NTNG1: variants seen among roughly 807,000 people sequenced by gnomAD.
NTNG1 encodes the protein netrin G1.
In NTNG1, 16 loss-of-function variants were observed where a neutral mutation model predicts 54.0. That is an observed-to-expected ratio of 0.30 (90% CI 0.20 to 0.45). The LOEUF (loss-of-function observed/expected upper bound fraction) is 0.45, where lower values mean the gene tolerates loss of function less well. NTNG1 is among the 20% of genes least tolerant of loss of function. The pLI, the probability that NTNG1 is intolerant of heterozygous loss-of-function variation, is 1.00. For missense variants in NTNG1, 530 were observed against 678.7 expected (o/e 0.78, Z 2.43); for synonymous variants, 255 against 263.1 (o/e 0.97, Z 0.30).
chr1:107,355,939 T>C (rs1314457824), intron 3 of NTNG1, among the ~76,000 whole-genome samples: 1 of 152,198 alleles, frequency 6.6e-6, no homozygotes, highest in Non-Finnish European at 1.5e-5. Flanking sequence ...AAAGTGTTCA[T>C]AAATTATTGT....
chr1:107,296,268 G>A (rs1665936180), intron 2 of NTNG1, among the ~76,000 whole-genome samples: 2 of 152,064 alleles, frequency 1.3e-5, no homozygotes, highest in Admixed American at 6.6e-5. Context: ...TATTTACACA[G>A]ATACACAAAC....
intron 5 of NTNG1, 126 bp from the exon 6 acceptor site, chr1:107,430,624 T>C (rs1174066692): frequency 4.2e-6 from 4 of 948,914 alleles, no homozygotes; most frequent in South Asian, 1.3e-5. Context: ...ATGTGTTGTG[T>C]TGAATCACAT....
At chr1:107,161,551 C>T (rs1418631425) in intron 2 of NTNG1, among the ~76,000 whole-genome samples, 1 of 151,578 alleles carries the variant, frequency 6.6e-6, no homozygotes, top group Non-Finnish European at 1.5e-5. Flanking sequence ...ATTCCAGCCA[C>T]TTGGGAGGCT....
At chr1:107,390,027 GT>G (rs1300432227) in intron 3 of NTNG1, among the ~76,000 whole-genome samples, 2 of 152,062 alleles carry the variant, frequency 1.3e-5, no homozygotes, top group Admixed American at 6.5e-5. Context: ...AAATGTTTTT[GT>G]TTTTTTGTTT....
At chr1:107,409,013 A>C (rs1374608736) in intron 5 of NTNG1, 3 of 152,156 alleles carry the variant, frequency 2.0e-5, no homozygotes, top group African/African-American at 7.2e-5. Flanking sequence ...TGCCATGAAA[A>C]TTGGCCACTT....
intron 3 of NTNG1, among the ~76,000 whole-genome samples, chr1:107,327,029 G>C (rs910019896): frequency 3.3e-5 from 5 of 152,142 alleles, no homozygotes; most frequent in African/African-American, 4.8e-5. Context: ...GTGGTTCTGA[G>C]GAGTTTGGAG....
At chr1:107,364,702 G>A (rs1670490590) in intron 3 of NTNG1, among the ~76,000 whole-genome samples, 1 of 152,130 alleles carries the variant, frequency 6.6e-6, no homozygotes, top group Non-Finnish European at 1.5e-5. Flanking sequence ...CAATTGTTCT[G>A]TGCCAGGCAA....
intron 7 of NTNG1, among the ~76,000 whole-genome samples, chr1:107,459,128 A>G (rs1387754117): frequency 6.6e-6 from 1 of 152,190 alleles, no homozygotes; most frequent in Non-Finnish European, 1.5e-5. Context: ...TACCTGAAGT[A>G]TATCAAAGAG....
At chr1:107,406,701 G>A (rs1029101475) in intron 4 of NTNG1, among the ~76,000 whole-genome samples, 3 of 151,990 alleles carry the variant, frequency 2.0e-5, no homozygotes, top group Non-Finnish European at 4.4e-5. Flanking sequence ...AGTAATCATC[G>A]CAAAGATGGA....
chr1:107,482,739 A>C lies in NTNG1; in HGVS notation c.*1899A>C, dbSNP rs1678805225. ...CTGCCACTCCTTGCTGAAACAGGGA[A>C]GGGGGGAGGAATGTCTCCTGATAAA... On this transcript the variant is annotated 3_prime_UTR_variant, in exon 8 of 8. Coordinates refer to ENST00000370068, the MANE Select transcript of NTNG1 (RefSeq NM_001113226.3). 1 of 152,226 alleles carries C rather than the reference A, an allele frequency of 6.6e-6. No individual in the cohort carries two copies. The highest frequency in any genetic ancestry group is 1.5e-5 in the Non-Finnish European group (1 of 68,060). 9.4% of individuals were successfully genotyped at this position (152,226 alleles called of 1,614,324 possible).
intron 2 of NTNG1, among the ~76,000 whole-genome samples, chr1:107,229,124 T>A (rs570229884): frequency 8.7e-4 from 133 of 152,020 alleles, no homozygotes; most frequent in Non-Finnish European, 1.8e-3. Flanking sequence ...GAACTGCTCA[T>A]ATTGAGCAAA....
intron 2 of NTNG1, among the ~76,000 whole-genome samples, chr1:107,215,099 T>C (rs1487441094): frequency 6.6e-6 from 1 of 152,170 alleles, no homozygotes; most frequent in African/African-American, 2.4e-5. Flanking sequence ...ACTCTGATGA[T>C]TATTTATTTT....
rs539103195 is a variant in NTNG1 at position 107,374,054 on chromosome 1, G to A, written c.888-21100G>A. Among the ~76,000 whole-genome samples, 155 of 152,124 alleles carry A rather than the reference G, an allele frequency of 1.0e-3. 1 individual carries two copies. The South Asian group carries it at 0.012, about 12-fold the overall frequency. On this transcript the variant is annotated intron_variant, in intron 3 of 7. Transcript: ENST00000370068. ...ACTGGGTAGAGAGTCCTAGATTGAC[G>A]TGTTTTCTGTTTTTCTTTTATTACT...
intron 5 of NTNG1, among the ~76,000 whole-genome samples, chr1:107,423,789 T>G (rs1312253821): frequency 6.6e-6 from 1 of 152,128 alleles, no homozygotes; most frequent in Non-Finnish European, 1.5e-5. Context: ...AGCTGTAGCT[T>G]GTTCTGTGGC....
At chr1:107,220,385 G>A (rs1236740412) in intron 2 of NTNG1, among the ~76,000 whole-genome samples, 1 of 152,244 alleles carries the variant, frequency 6.6e-6, no homozygotes, top group Non-Finnish European at 1.5e-5. Flanking sequence ...TGGAGCACAA[G>A]TTCATGATGT....
chr1:107,477,854 C>T (rs888090120), intron 7 of NTNG1, among the ~76,000 whole-genome samples: 2 of 152,102 alleles, frequency 1.3e-5, no homozygotes, highest in African/African-American at 4.8e-5. Context: ...TGGCATACAA[C>T]AGATATTGGT....
At chr1:107,300,436 C>T (rs965960573) in intron 2 of NTNG1, among the ~76,000 whole-genome samples, 2 of 152,160 alleles carry the variant, frequency 1.3e-5, no homozygotes, top group African/African-American at 4.8e-5. Context: ...TAATCTAGTT[C>T]CCCAGTTCAC....
intron 7 of NTNG1, among the ~76,000 whole-genome samples, chr1:107,441,658 A>G (rs1189280643): frequency 1.3e-5 from 2 of 152,088 alleles, no homozygotes; most frequent in African/African-American, 2.4e-5. Flanking sequence ...AATCACATCT[A>G]TAAAGTCTCT....
intron 3 of NTNG1, among the ~76,000 whole-genome samples, chr1:107,356,851 A>G (rs1669962420): frequency 6.6e-6 from 1 of 151,986 alleles, no homozygotes; most frequent in African/African-American, 2.4e-5. Context: ...AAATATATAA[A>G]AGTTAGCCGG....
Sources: allele counts gnomAD v4.1 joint callset (sites outside exome capture counted in the v4.1 genomes callset), GRCh38; gene constraint gnomAD v4.1.1; transcripts MANE v1.5; gene names NCBI Gene and HGNC (gene_info 2026-07-23, HGNC 2026-07-21).